The following PAQR5 variants were observed in gnomAD, a reference collection of about 807,000 sequenced individuals.
The protein encoded by PAQR5 is progestin and adipoQ receptor family member 5.
Under a neutral mutation model 34.5 loss-of-function variants are expected in PAQR5, and 20 were observed. The ratio of observed to expected loss-of-function variants is 0.58; its 90% CI spans 0.41 to 0.84. PAQR5 has a LOEUF of 0.84. Ranked by LOEUF, PAQR5 falls within the 40% of genes least tolerant of loss-of-function variation. The pLI, the probability that PAQR5 is intolerant of heterozygous loss-of-function variation, is 0.00. For missense variants in PAQR5, 378 were observed against 412.7 expected (o/e 0.92, Z 0.73); for synonymous variants, 131 against 155.6 (o/e 0.84, Z 1.18).
intron 1 of PAQR5, among the ~76,000 whole-genome samples, chr15:69,310,009 C>G (rs2053794918): frequency 6.6e-6 from 1 of 151,772 alleles, no homozygotes. Flanking sequence ...GATCGCTCCA[C>G]TGCACTCCAG....
intron 2 of PAQR5, among the ~76,000 whole-genome samples, chr15:69,357,322 G>A (rs1182560093): frequency 6.6e-6 from 1 of 152,016 alleles, no homozygotes; most frequent in Non-Finnish European, 1.5e-5. Flanking sequence ...GGAGTGTAGT[G>A]GTATGATCTC....
intron 1 of PAQR5, among the ~76,000 whole-genome samples, chr15:69,312,641 G>A (rs560819280): frequency 8.0e-5 from 12 of 149,964 alleles, no homozygotes; most frequent in Admixed American, 2.0e-4. Flanking sequence ...CAGTCCCCCC[G>A]TCCCCCAGGA....
At chr15:69,341,035 C>T (rs2054626935) in intron 2 of PAQR5, among the ~76,000 whole-genome samples, 1 of 152,124 alleles carries the variant, frequency 6.6e-6, no homozygotes, top group Admixed American at 6.6e-5. Context: ...ATTTATCATG[C>T]TAAGCACTTA....
chr15:69,364,847 T>C (rs998395817), intron 3 of PAQR5, among the ~76,000 whole-genome samples: 7 of 151,200 alleles, frequency 4.6e-5, no homozygotes, highest in African/African-American at 1.7e-4. Context: ...CAAGCAATTC[T>C]CTGCCTCAGC....
At chr15:69,300,130 T>C (rs1356971983) in intron 1 of PAQR5, among the ~76,000 whole-genome samples, 2 of 151,986 alleles carry the variant, frequency 1.3e-5, no homozygotes, top group Non-Finnish European at 2.9e-5. Flanking sequence ...CAGAGGTTTG[T>C]TTCTTTTACC....
chr15:69,400,788 A>G (rs1041104663), intron 8 of PAQR5, among the ~76,000 whole-genome samples: 2 of 152,068 alleles, frequency 1.3e-5, no homozygotes, highest in African/African-American at 4.8e-5. Flanking sequence ...AAAAGGGGAG[A>G]AAGCATCTTT....
rs1489985329 is a variant in PAQR5 at position 69,390,349 on chromosome 15, T to TTTTA, written c.512+571_512+572insTATT. ...ATTTATTTATTTATTTATTTATTTA[T>TTTTA]TTATTTATTTATTTTTTTGAGACAG... On this transcript the variant is annotated intron_variant, in intron 6 of 8. Transcript: ENST00000395407. Among the ~76,000 whole-genome samples the TTTTA allele has an allele frequency of 4.4e-4, 37 of 83,258 alleles. 1 individual carries two copies. Among genetic ancestry groups the TTTTA allele is most frequent in the Admixed American group, 1.0e-3 (8 of 7,930 alleles). 54.6% of individuals were successfully genotyped at this position (83,258 alleles called of 152,430 possible).
At chr15:69,336,427 G>T (rs560655043) in intron 1 of PAQR5, among the ~76,000 whole-genome samples, 17 of 152,148 alleles carry the variant, frequency 1.1e-4, no homozygotes, top group African/African-American at 3.6e-4. Context: ...TGTATTATTG[G>T]CATATGTTCC....
At chr15:69,361,652 A>G (rs2055234699) in intron 3 of PAQR5, among the ~76,000 whole-genome samples, 1 of 152,238 alleles carries the variant, frequency 6.6e-6, no homozygotes, top group Admixed American at 6.5e-5. Flanking sequence ...ACTGTCAGAC[A>G]CTTATGAAAC....
In PAQR5 at chr15:69,385,305, T is replaced by C. The variant is rs2056075862; in HGVS notation, c.385+423T>C. 6.6e-6 allele frequency among the ~76,000 whole-genome samples: 1 copy of C among 152,220 alleles called. No individual in the cohort carries two copies. Among genetic ancestry groups the C allele is most frequent in the Non-Finnish European group, 1.5e-5 (1 of 68,038 alleles). On this transcript the variant is annotated intron_variant, in intron 5 of 8. Coordinates refer to ENST00000395407, the MANE Select transcript of PAQR5 (RefSeq NM_017705.4). This position sits in a 1 kb window ranked among gnomAD's most constrained non-coding sequence, Gnocchi z 4.7. Reference sequence around the variant, plus strand: ...TATGATTTATTTAATTGCAAGTTTCTGTGATTTAATTTTTAATGATGGCTG... The same window carrying C: ...TATGATTTATTTAATTGCAAGTTTCCGTGATTTAATTTTTAATGATGGCTG...
At chr15:69,363,644 T>C (rs1005942464) in intron 3 of PAQR5, among the ~76,000 whole-genome samples, 1 of 143,916 alleles carries the variant, frequency 6.9e-6, no homozygotes, top group Non-Finnish European at 1.5e-5. Context: ...CCTCCCAGGT[T>C]CAAGCGATTC....
At chr15:69,375,929 G>T (rs1006306245) in intron 3 of PAQR5, among the ~76,000 whole-genome samples, 1 of 152,204 alleles carries the variant, frequency 6.6e-6, no homozygotes. Flanking sequence ...CAGTTTAATA[G>T]CTAGAAAAAC....
At chr15:69,364,477 G>GT (rs1460978676) in intron 3 of PAQR5, among the ~76,000 whole-genome samples, 21 of 146,532 alleles carry the variant, frequency 1.4e-4, no homozygotes, top group African/African-American at 4.5e-4. Flanking sequence ...TATTATATAT[G>GT]TAATATATAT....
chr15:69,383,327 C>CGG (rs2055972595), intron 4 of PAQR5, among the ~76,000 whole-genome samples: 1 of 127,048 alleles, frequency 7.9e-6, no homozygotes, highest in African/African-American at 3.1e-5. Flanking sequence ...GGAGGGTGAG[C>CGG]GGGCCCTCCG....
intron 1 of PAQR5, among the ~76,000 whole-genome samples, chr15:69,309,071 A>C (rs1434693165): frequency 6.6e-6 from 1 of 152,032 alleles, no homozygotes; most frequent in East Asian, 1.9e-4. Flanking sequence ...TGGGGTCCTG[A>C]GCTCAGAAGA....
chr15:69,379,806 C>T (rs2055829744), intron 3 of PAQR5, 77 bp from the exon 4 acceptor site: 7 of 1,542,088 alleles, frequency 4.5e-6, no homozygotes, highest in Non-Finnish European at 6.1e-6. Flanking sequence ...CAGAGCACGG[C>T]CTGGAAGATG....
intron 2 of PAQR5, among the ~76,000 whole-genome samples, chr15:69,347,521 G>GA (rs79429676): frequency 0.03 from 4,579 of 152,132 alleles, 140 homozygotes; most frequent in East Asian, 0.12. Context: ...CTATAATCCA[G>GA]AAAAAAGTGG....
intron 3 of PAQR5, among the ~76,000 whole-genome samples, chr15:69,374,337 T>G (rs8026041): frequency 0.049 from 7,523 of 152,204 alleles, 388 homozygotes; most frequent in African/African-American, 0.12. Flanking sequence ...CTGTCCAACC[T>G]AGAGCCTGGT....
intron 2 of PAQR5, among the ~76,000 whole-genome samples, chr15:69,341,095 A>G (rs896405460): frequency 1.3e-5 from 2 of 151,758 alleles, no homozygotes; most frequent in South Asian, 2.1e-4. Context: ...CTGTGCACCT[A>G]TGACCACCAT....
Sources: allele counts gnomAD v4.1 joint callset (sites outside exome capture counted in the v4.1 genomes callset), GRCh38; gene constraint gnomAD v4.1.1; non-coding constraint Gnocchi (gnomAD v3.1); transcripts MANE v1.5; gene names NCBI Gene and HGNC (gene_info 2026-07-23, HGNC 2026-07-21).